The following JARID2 variants were observed in gnomAD, a reference collection of about 807,000 sequenced individuals.
JARID2 encodes the protein jumonji and AT-rich interaction domain containing 2.
Under a neutral mutation model 125.6 loss-of-function variants are expected in JARID2, and 21 were observed. The observed-to-expected ratio is 0.17, with a 90% CI of 0.12 to 0.24. The LOEUF is 0.24. JARID2 is among the 10% of genes least tolerant of loss of function. The pLI, the probability that JARID2 is intolerant of heterozygous loss-of-function variation, is 1.00. For synonymous variants in JARID2, 736 were observed against 661.6 expected, an observed-to-expected ratio of 1.11 and a Z score of -1.73; for missense variants, 1,303 against 1,639.6, an observed-to-expected ratio of 0.79 and a Z score of 3.55.
At chr6:15,345,626 C>T (rs761423212) in intron 1 of JARID2, among the ~76,000 whole-genome samples, 10 of 152,122 alleles carry the variant, frequency 6.6e-5, no homozygotes, top group African/African-American at 1.9e-4. Flanking sequence ...TTGCTGGGAC[C>T]GAAATAAGAC....
chr6:15,471,900 A>G (rs1311146431), intron 5 of JARID2, among the ~76,000 whole-genome samples: 1 of 152,206 alleles, frequency 6.6e-6, no homozygotes. Context: ...AAGTGTAACT[A>G]TCTATAGATA....
intron 1 of JARID2, among the ~76,000 whole-genome samples, chr6:15,261,900 C>T (rs1759894485): frequency 6.6e-6 from 1 of 151,572 alleles, no homozygotes; most frequent in East Asian, 1.9e-4. Flanking sequence ...TCTGCCTCAG[C>T]CTCCCAAGTA....
rs187419365 is a variant in JARID2 at position 15,407,055 on chromosome 6, G to C, written c.182-3169G>C. On this transcript the variant is annotated intron_variant, in intron 2 of 17. Transcript: ENST00000341776. ...GGGCGAGGATTACTTGAACCCAGGA[G>C]TTTGAGACCAGCTTGGCAACAAAGC... is the stretch of plus-strand genomic sequence containing the variant. 5.9e-5 allele frequency among the ~76,000 whole-genome samples: 9 copies of C among 151,906 alleles called. No homozygotes were observed. In the East Asian group the frequency reaches 1.7e-3, roughly 29 times the overall value.
At chr6:15,334,445 A>G (rs1436726486) in intron 1 of JARID2, among the ~76,000 whole-genome samples, 2 of 152,210 alleles carry the variant, frequency 1.3e-5, no homozygotes, top group East Asian at 1.9e-4. Flanking sequence ...TGCTTTTTAT[A>G]TACCTTGAAG....
At chr6:15,325,335 T>C (rs1170962804) in intron 1 of JARID2, among the ~76,000 whole-genome samples, 1 of 152,222 alleles carries the variant, frequency 6.6e-6, no homozygotes, top group Non-Finnish European at 1.5e-5. Context: ...CCGTGTTATA[T>C]TGTAATCTAT....
At chr6:15,477,311 CAG>C (rs1769390854) in intron 5 of JARID2, among the ~76,000 whole-genome samples, 1 of 151,876 alleles carries the variant, frequency 6.6e-6, no homozygotes, top group African/African-American at 2.4e-5. Flanking sequence ...GGTCATGCAT[CAG>C]GGTCAGGAGC....
intron 2 of JARID2, among the ~76,000 whole-genome samples, chr6:15,387,158 T>A (rs1424457739): frequency 6.6e-6 from 1 of 152,180 alleles, no homozygotes. Flanking sequence ...TGTCTTTTGC[T>A]AGTGCGGTGT....
chr6:15,434,096 T>C (rs1305443689), intron 3 of JARID2, among the ~76,000 whole-genome samples: 1 of 152,044 alleles, frequency 6.6e-6, no homozygotes, highest in East Asian at 1.9e-4. Context: ...AAAACACAGG[T>C]ACCTCCGTAA....
rs541327843 is a variant in JARID2, at chr6:15,518,578, T to A, written c.3558+1310T>A. ...CCCACTGCAAGCTCCGCCTCCCAGG[T>A]TCACGCCATTCTCCTGCTTCAGTTT... is the stretch of plus-strand genomic sequence containing the variant. On this transcript the variant is annotated intron_variant, in intron 17 of 17. Transcript: ENST00000341776. Among the ~76,000 whole-genome samples the A allele has an allele frequency of 9.9e-5, 15 of 152,242 alleles. No individual in the cohort carries two copies. In the East Asian group the frequency reaches 2.5e-3, roughly 26 times the overall value.
At chr6:15,366,518 C>CGGGGGGGGGGGGGGGGGGGG (rs1367437795) in intron 1 of JARID2, among the ~76,000 whole-genome samples, 1 of 14,408 alleles carries the variant, frequency 6.9e-5, no homozygotes, top group Admixed American at 8.3e-4. Flanking sequence ...GCGGGGGGGG[C>CGGGGGGGGGGGGGGGGGGGG]GGGGGGGGTG....
At chr6:15,435,874 C>G (rs1479957194) in intron 3 of JARID2, among the ~76,000 whole-genome samples, 1 of 151,540 alleles carries the variant, frequency 6.6e-6, no homozygotes, top group African/African-American at 2.4e-5. Flanking sequence ...CAAACCAATC[C>G]CAAAGCTAGC....
chr6:15,416,266 T>C (rs1428222279), intron 3 of JARID2, among the ~76,000 whole-genome samples: 13 of 147,190 alleles, frequency 8.8e-5, no homozygotes, highest in South Asian at 6.5e-4. Context: ...CAGAGACGCT[T>C]CTCACTTCCC....
chr6:15,248,819 C>T (rs1283743903), intron 1 of JARID2: 2 of 763,436 alleles, frequency 2.6e-6, no homozygotes, highest in Non-Finnish European at 3.2e-6. Context: ...GCGGGAGGCT[C>T]CAGGCGCGGC....
chr6:15,432,112 AAC>A lies in JARID2; in HGVS notation c.324-19890_324-19889del, dbSNP rs1491053727. Among the ~76,000 whole-genome samples, 5 of 151,894 alleles carry A rather than the reference AAC, an allele frequency of 3.3e-5. No individual in the cohort carries two copies. The South Asian group carries it at 1.0e-3, about 32-fold the overall frequency. Reference sequence around the variant, plus strand: ...ACACACAAAGCAATGAAAAAAAAAAAACACAGATTTATTGAAACGAAAGTACA... The same window carrying A: ...ACACACAAAGCAATGAAAAAAAAAAAACAGATTTATTGAAACGAAAGTACA... On this transcript the variant is annotated intron_variant, in intron 3 of 17. Transcript: ENST00000341776.
intron 2 of JARID2, among the ~76,000 whole-genome samples, chr6:15,403,165 G>C (rs1018131058): frequency 6.6e-6 from 1 of 152,136 alleles, no homozygotes; most frequent in Non-Finnish European, 1.5e-5. Flanking sequence ...TGTTCACAGT[G>C]GTGATCATCA....
At chr6:15,251,595 G>A (rs1316410880) in intron 1 of JARID2, among the ~76,000 whole-genome samples, 1 of 152,204 alleles carries the variant, frequency 6.6e-6, no homozygotes, top group Admixed American at 6.5e-5. Flanking sequence ...TCACCCAGAA[G>A]TCTTGCCAAG....
chr6:15,464,389 G>C (rs953532646), intron 4 of JARID2, among the ~76,000 whole-genome samples: 2 of 152,218 alleles, frequency 1.3e-5, no homozygotes, highest in Non-Finnish European at 2.9e-5. Context: ...ACGTTGATGA[G>C]ATGGACAGGT....
intron 1 of JARID2, among the ~76,000 whole-genome samples, chr6:15,332,411 C>T (rs1468147425): frequency 6.6e-6 from 1 of 152,178 alleles, no homozygotes; most frequent in Non-Finnish European, 1.5e-5. Flanking sequence ...TCTTAATTTT[C>T]ATTTCATTAA....
intron 6 of JARID2, among the ~76,000 whole-genome samples, chr6:15,495,411 T>TTGC (rs1770367016): frequency 6.6e-6 from 1 of 152,082 alleles, no homozygotes; most frequent in South Asian, 2.1e-4. Flanking sequence ...TTGGCATGTG[T>TTGC]TGCTTCAACA....
Sources: gnomAD v4.1 joint callset for allele counts (sites outside exome capture counted in the v4.1 genomes callset) on GRCh38, gnomAD v4.1.1 for gene constraint, MANE v1.5 for transcripts, NCBI Gene and HGNC (gene_info 2026-07-23, HGNC 2026-07-21) for gene names.